The following RIPOR3 variants were observed in gnomAD, a reference collection of about 807,000 sequenced individuals.
The protein encoded by RIPOR3 is RIPOR family member 3.
RIPOR3 carries 95 observed loss-of-function variants against 114.3 expected under a neutral mutation model. The observed-to-expected ratio is 0.83, with a 90% CI of 0.70 to 0.99. The LOEUF (loss-of-function observed/expected upper bound fraction) is 0.99, where lower values mean the gene tolerates loss of function less well. RIPOR3 is among the 50% of genes least tolerant of loss of function. The pLI is 0.00. For missense variants in RIPOR3, 1,252 were observed against 1,266.9 expected, an observed-to-expected ratio of 0.99 and a Z score of 0.18; for synonymous variants, 575 against 543.8, an observed-to-expected ratio of 1.06 and a Z score of -0.80.
At chr20:50,619,696 ATGATTGATTGCATTGCTTCT>A (rs984524474) in intron 3 of RIPOR3, among the ~76,000 whole-genome samples, 78 of 152,198 alleles carry the variant, frequency 5.1e-4, no homozygotes, top group Non-Finnish European at 8.1e-4. Context: ...TGGAAGTTCT[ATGATTGATTGCATTGCTTCT>A]TGATTGATTG....
At chr20:50,634,968 G>T (rs1425630033) in intron 1 of RIPOR3, among the ~76,000 whole-genome samples, 1 of 152,236 alleles carries the variant, frequency 6.6e-6, no homozygotes. Context: ...GGGAGGCAGA[G>T]GTTGCAGTGA....
chr20:50,624,190 C>T (rs1210146270), intron 2 of RIPOR3, among the ~76,000 whole-genome samples: 1 of 152,248 alleles, frequency 6.6e-6, no homozygotes, highest in Non-Finnish European at 1.5e-5. Context: ...AGGGGCTGTG[C>T]TCCCTCTTCC....
intron 19 of RIPOR3, 184 bp from the exon 20 acceptor site, chr20:50,589,953 G>GTGTT: frequency 1.8e-6 from 1 of 547,334 alleles, no homozygotes; most frequent in Non-Finnish European, 3.3e-6. Context: ...CTATACTGTG[G>GTGTT]TGTTTAATTT....
rs750591975 is a variant in RIPOR3 at position 50,595,466 on chromosome 20, T to C, written c.1953A>G (p.Glu651=). ...GCTGTGCCACTTCTTCCAGGAGGCA[T>C]TCCTGGACCAGCCTTGATAAATTAG... ...ASPNLSRLVQ[E]CLLEEVAQQK... Residue 651 remains glutamate (E), a synonymous_variant, in exon 16 of 22, where the codon GAA becomes GAG. Transcript: ENST00000327979. 4.3e-6 allele frequency: 7 copies of C among 1,614,170 alleles called. No homozygotes were observed. The East Asian group carries it at 8.9e-5, about 21-fold the overall frequency.
intron 2 of RIPOR3, among the ~76,000 whole-genome samples, chr20:50,621,643 G>A (rs1486196483): frequency 6.6e-6 from 1 of 152,102 alleles, no homozygotes; most frequent in Non-Finnish European, 1.5e-5. Context: ...GGGACTTCCA[G>A]CCTCCTCCTT....
At chr20:50,670,335 G>T (rs775234560) in intron 1 of RIPOR3, among the ~76,000 whole-genome samples, 4 of 151,882 alleles carry the variant, frequency 2.6e-5, no homozygotes, top group Non-Finnish European at 5.9e-5. Flanking sequence ...TCTCCTCCTG[G>T]GAAGTCTCGT....
At chr20:50,610,201 C>T (rs1406792301) in intron 6 of RIPOR3, among the ~76,000 whole-genome samples, 1 of 151,182 alleles carries the variant, frequency 6.6e-6, no homozygotes, top group Non-Finnish European at 1.5e-5. Flanking sequence ...CTCCTGCCAC[C>T]CCTGCCAACC....
intron 1 of RIPOR3, among the ~76,000 whole-genome samples, chr20:50,647,616 G>A (rs2085454342): frequency 1.3e-5 from 2 of 150,800 alleles, no homozygotes; most frequent in African/African-American, 2.4e-5. Flanking sequence ...CCAAGTAGCT[G>A]GGACTACAGG....
chr20:50,691,271 C>G lies in RIPOR3; in HGVS notation c.-143G>C. On this transcript the variant is annotated 5_prime_UTR_variant, in exon 1 of 22. Coordinates refer to ENST00000327979, the MANE Select transcript of RIPOR3 (RefSeq NM_001290268.2). Reference sequence around the variant, plus strand: ...TAGGGCTCTGCAAATTCCATCCACACTGGCCACCAGCCGCTGGTCCCGCTC... The same window carrying G: ...TAGGGCTCTGCAAATTCCATCCACAGTGGCCACCAGCCGCTGGTCCCGCTC... 9.3e-7 allele frequency: 1 copy of G among 1,073,502 alleles called. No individual in the cohort carries two copies. Among genetic ancestry groups the G allele is most frequent in the Non-Finnish European group, 1.2e-6 (1 of 800,938 alleles). The allele number at this position is 1,073,502 out of a possible 1,614,324, so 66.5% of individuals were successfully genotyped here. A position where few individuals can be genotyped will look rare whatever the true frequency, so the allele number is the denominator to read the frequency against.
At chr20:50,686,554 G>A (rs1432623630) in intron 1 of RIPOR3, among the ~76,000 whole-genome samples, 1 of 151,848 alleles carries the variant, frequency 6.6e-6, no homozygotes, top group African/African-American at 2.4e-5. Context: ...TTCGAGACCA[G>A]CCTGACCAAT....
intron 1 of RIPOR3, among the ~76,000 whole-genome samples, chr20:50,677,412 C>A (rs2086708993): frequency 6.8e-6 from 1 of 148,024 alleles, no homozygotes. Flanking sequence ...GCTCTTGTTG[C>A]CCAGGCCTGG....
intron 18 of RIPOR3, among the ~76,000 whole-genome samples, chr20:50,592,808 C>T (rs1374017730): frequency 3.3e-5 from 5 of 152,242 alleles, no homozygotes; most frequent in African/African-American, 1.2e-4. Flanking sequence ...GCCAAGATCA[C>T]CCTCCTACCC....
rs554125724 is a variant in RIPOR3 at position 50,617,874 on chromosome 20, C to T, written c.270-1794G>A. 5.3e-5 allele frequency among the ~76,000 whole-genome samples: 8 copies of T among 151,962 alleles called. No individual in the cohort carries two copies. The East Asian group carries it at 9.7e-4, about 18-fold the overall frequency. On this transcript the variant is annotated intron_variant, in intron 3 of 21. Transcript: ENST00000327979. ...CCTGAATTCGTGATCCGCCTGCCTC[C>T]GCCTCCCAAAGTGCTAAGATTACAG...
chr20:50,602,660 G>A lies in RIPOR3; in HGVS notation c.1087-16C>T, dbSNP rs756404925. ...GTAGGACAGACTGGAGAGGGGACAC[G>A]GGAGCGGCCTCACCAGCCACCCCAG... On this transcript the variant is annotated splice_polypyrimidine_tract_variant and intron_variant, in intron 12 of 21. Transcript: ENST00000327979. This position sits in a 1 kb window ranked among gnomAD's most constrained non-coding sequence, Gnocchi z 4.3. 4.9e-5 allele frequency: 71 copies of A among 1,439,322 alleles called. No homozygotes were observed. The highest frequency in any genetic ancestry group is 1.5e-4 in the East Asian group (6 of 40,398). 89.2% of individuals were successfully genotyped at this position (1,439,322 alleles called of 1,614,324 possible). A position where few individuals can be genotyped will look rare whatever the true frequency, so the allele number is the denominator to read the frequency against.
At chr20:50,598,411 A>G (rs932874542) in intron 13 of RIPOR3, among the ~76,000 whole-genome samples, 15 of 151,860 alleles carry the variant, frequency 9.9e-5, no homozygotes, top group Non-Finnish European at 1.5e-4. Context: ...CGTTCCCAGC[A>G]CACCCCACCC....
chr20:50,666,463 AT>A (rs2123492608), intron 1 of RIPOR3, among the ~76,000 whole-genome samples: 2 of 151,696 alleles, frequency 1.3e-5, no homozygotes, highest in South Asian at 4.2e-4. Context: ...ACCTCAGGTG[AT>A]CCACCTGCCC....
rs2083233305 is a variant in RIPOR3 at position 50,594,804 on chromosome 20, G to A, written c.2051-90C>T. ...GGTTTCCCTCCACTAGGACCTGAGG[G>A]GGTAGGGAGGAGGGGACGGTGTGGC... is the stretch of plus-strand genomic sequence containing the variant. On this transcript the variant is annotated intron_variant, in intron 16 of 21. Coordinates refer to ENST00000327979, the MANE Select transcript of RIPOR3 (RefSeq NM_001290268.2). The A allele has an allele frequency of 3.5e-6, 5 of 1,445,982 alleles. No homozygotes were observed. In the Admixed American group the frequency reaches 6.1e-5, roughly 18 times the overall value. The allele number at this position is 1,445,982 out of a possible 1,614,324, so 89.6% of individuals were successfully genotyped here.
intron 1 of RIPOR3, among the ~76,000 whole-genome samples, chr20:50,664,652 C>T (rs1446414863): frequency 3.3e-5 from 5 of 152,150 alleles, no homozygotes; most frequent in Non-Finnish European, 7.3e-5. Flanking sequence ...CTGCTTGGAG[C>T]AGGAATTGCA....
chr20:50,648,850 T>G (rs1362068693), intron 1 of RIPOR3, among the ~76,000 whole-genome samples: 2 of 151,672 alleles, frequency 1.3e-5, no homozygotes, highest in African/African-American at 2.4e-5. Context: ...CAATGGGGAG[T>G]GGTTCTAAAT....
Sources: allele counts gnomAD v4.1 joint callset (sites outside exome capture counted in the v4.1 genomes callset), GRCh38; gene constraint gnomAD v4.1.1; non-coding constraint Gnocchi (gnomAD v3.1); transcripts MANE v1.5; gene names NCBI Gene and HGNC (gene_info 2026-07-23, HGNC 2026-07-21).